Variants in BLTP3B observed in about 807,000 individuals in gnomAD.
BLTP3B encodes the protein UHRF1 (ICBP90) binding protein 1-like.
chr12:100,051,853 C>T, the BLTP3B span: 1 of 152,184 alleles, frequency 6.6e-6, no homozygotes, highest in Admixed American at 6.6e-5. Context: ...CAAGACCAGC[C>T]TGGGCAACAC....
the BLTP3B span, among the ~76,000 whole-genome samples, chr12:100,109,551 G>A: frequency 8.5e-5 from 13 of 152,166 alleles, no homozygotes; most frequent in African/African-American, 2.9e-4. Flanking sequence ...ATCACTTGAG[G>A]GCAGGAGTTC....
the BLTP3B span, among the ~76,000 whole-genome samples, chr12:100,094,332 A>G: frequency 6.6e-6 from 1 of 152,056 alleles, no homozygotes; most frequent in Non-Finnish European, 1.5e-5. Context: ...GCTGGTCCTG[A>G]ATTATTGGCC....
the BLTP3B span, among the ~76,000 whole-genome samples, chr12:100,116,192 T>C: frequency 7.5e-6 from 1 of 133,876 alleles, no homozygotes; most frequent in African/African-American, 3.0e-5. Flanking sequence ...AAAAGTAAAA[T>C]CTAGCCAGAC....
chr12:100,122,694 C>T, the BLTP3B span, among the ~76,000 whole-genome samples: 4 of 152,176 alleles, frequency 2.6e-5, no homozygotes, highest in African/African-American at 9.7e-5. Context: ...TGAGCCAAAG[C>T]AGGCCCTTGA....
the BLTP3B span, among the ~76,000 whole-genome samples, chr12:100,135,050 TTCCAATC>T: frequency 6.6e-6 from 1 of 152,186 alleles, no homozygotes; most frequent in African/African-American, 2.4e-5. Context: ...TTCCAGTGGC[TTCCAATC>T]TCAGAGTAAA....
chr12:100,094,857 A>C, the BLTP3B span, among the ~76,000 whole-genome samples: 1 of 152,316 alleles, frequency 6.6e-6, no homozygotes, highest in South Asian at 2.1e-4. Flanking sequence ...GACTGTTTCA[A>C]AAAATAAAGC....
At chr12:100,059,059 C>CT in the BLTP3B span, 1 of 1,613,958 alleles carries the variant, frequency 6.2e-7, no homozygotes, top group Admixed American at 1.7e-5. Context: ...GTCTGCGGCT[C>CT]TTTTTGTGAC....
chr12:100,070,262 CA>C, the BLTP3B span: 3 of 1,378,786 alleles, frequency 2.2e-6, no homozygotes, highest in East Asian at 8.2e-5. Flanking sequence ...GATTAAATGC[CA>C]GAAGGTTTTT....
the BLTP3B span, among the ~76,000 whole-genome samples, chr12:100,114,925 A>G: frequency 6.6e-6 from 1 of 152,112 alleles, no homozygotes; most frequent in African/African-American, 2.4e-5. Context: ...ACAACACTTC[A>G]TTATTTGAGG....
the BLTP3B span, chr12:100,142,558 G>A: frequency 8.1e-5 from 130 of 1,601,950 alleles, 2 homozygotes; most frequent in Non-Finnish European, 9.7e-5. Flanking sequence ...TGGGGTGGAG[G>A]CCGACTGGCG....
the BLTP3B span, among the ~76,000 whole-genome samples, chr12:100,112,289 G>A: frequency 7.9e-5 from 12 of 152,182 alleles, no homozygotes; most frequent in South Asian, 1.2e-3. Flanking sequence ...GACCAGCCTG[G>A]GCTGGTCTAT....
the BLTP3B span, among the ~76,000 whole-genome samples, chr12:100,048,767 AGTGAGTGTGTGT>A: frequency 8.9e-6 from 1 of 111,840 alleles, no homozygotes; most frequent in African/African-American, 3.7e-5. Context: ...AGAGAGTGAG[AGTGAGTGTGTGT>A]GTGTGTGTGT....
the BLTP3B span, among the ~76,000 whole-genome samples, chr12:100,123,189 A>G: frequency 1.3e-4 from 20 of 152,182 alleles, no homozygotes; most frequent in African/African-American, 4.8e-4. Context: ...TTGTACATTC[A>G]ACAAATATTA....
At chr12:100,103,963 A>G in the BLTP3B span, 3 of 1,597,476 alleles carry the variant, frequency 1.9e-6, no homozygotes, top group African/African-American at 1.3e-5. Flanking sequence ...TACAAATGAA[A>G]AATTTTTAAT....
the BLTP3B span, chr12:100,050,977 GA>G: frequency 7.5e-6 from 11 of 1,473,192 alleles, no homozygotes; most frequent in Middle Eastern, 3.7e-4. Flanking sequence ...CACCATCTAA[GA>G]ATTCATTTTA....
the BLTP3B span, chr12:100,089,227 T>C: frequency 2.6e-6 from 2 of 766,266 alleles, no homozygotes; most frequent in African/African-American, 3.7e-5. Context: ...AATAATATAT[T>C]TTCCCTAAAA....
At chr12:100,094,254 T>TGCC in the BLTP3B span, among the ~76,000 whole-genome samples, 2 of 152,136 alleles carry the variant, frequency 1.3e-5, no homozygotes, top group South Asian at 2.1e-4. Flanking sequence ...TGCAGGTATA[T>TGCC]GCCACCACCA....
the BLTP3B span, among the ~76,000 whole-genome samples, chr12:100,126,297 T>C: frequency 6.6e-6 from 1 of 152,118 alleles, no homozygotes; most frequent in Non-Finnish European, 1.5e-5. Context: ...CTCAGGTAGT[T>C]TGGAAAGAAA....
At chr12:100,088,792 T>A in the BLTP3B span, 1 of 775,666 alleles carries the variant, frequency 1.3e-6, no homozygotes. Context: ...TATATATTCA[T>A]ATGAACACAA....
Sources: gnomAD v4.1 joint callset for allele counts (sites outside exome capture counted in the v4.1 genomes callset) on GRCh38, gnomAD v4.1.1 for gene constraint, MANE v1.5 for transcripts, NCBI Gene and HGNC (gene_info 2026-07-23, HGNC 2026-07-21) for gene names.